The following FTCD variants were observed in gnomAD, a reference collection of about 807,000 sequenced individuals.
FTCD encodes formimidoyltransferase-cyclodeaminase.
FTCD carries 76 observed loss-of-function variants against 62.9 expected under a neutral mutation model. The observed-to-expected ratio is 1.21, with a 90% CI of 1.00 to 1.46. The LOEUF (loss-of-function observed/expected upper bound fraction) is 1.46. Among genes scored for constraint, FTCD ranks in the 40% most tolerant of loss-of-function variants. FTCD has a pLI of 0.00. For missense variants in FTCD, 845 were observed against 751.3 expected, an observed-to-expected ratio of 1.12 and a Z score of -1.46; for synonymous variants, 397 against 336.9, an observed-to-expected ratio of 1.18 and a Z score of -1.95.
At chr21:46,148,182 A>G (rs1439601126) in intron 7 of FTCD, among the ~76,000 whole-genome samples, 1 of 152,202 alleles carries the variant, frequency 6.6e-6, no homozygotes, top group Admixed American at 6.5e-5. Flanking sequence ...TGCAAAAGGA[A>G]AAATAGTAAC....
chr21:46,138,796 G>T, intron 11 of FTCD, 84 bp downstream of exon 11: 1 of 1,438,472 alleles, frequency 7.0e-7, no homozygotes, highest in Non-Finnish European at 9.8e-7. Context: ...ACCACGCCCC[G>T]TCACAGCACC....
chr21:46,144,998 G>C (rs9978174), intron 10 of FTCD, among the ~76,000 whole-genome samples: 67,051 of 151,608 alleles, frequency 0.44, 17,856 homozygotes, highest in African/African-American at 0.75. Flanking sequence ...GAAACGGGTC[G>C]TCTCTGGCCT....
At chr21:46,149,610 G>T (rs2079219968) in intron 7 of FTCD, among the ~76,000 whole-genome samples, 1 of 152,252 alleles carries the variant, frequency 6.6e-6, no homozygotes, top group African/African-American at 2.4e-5. Flanking sequence ...AAGGCGGACA[G>T]CGGCTCTGCA....
Position 46,145,920 on chromosome 21 carries a change from C to A in FTCD, c.996G>T (p.Glu332Asp). The change falls in exon 9 of 14, where the codon GAG (glutamate) becomes GAT (aspartate). Residue 332 changes from glutamate to aspartate, a missense_variant. Glu to Asp is a conservative substitution (Grantham distance 45, BLOSUM62 2). Transcript: ENST00000397746. Reference sequence around the variant, plus strand: ...GCAGGGACTTGCTGCCCAGGCCTCGCTCAGGCCCGCGCTCAGGGACCAGGT... The same window carrying A: ...GCAGGGACTTGCTGCCCAGGCCTCGATCAGGCCCGCGCTCAGGGACCAGGT... ...IEYLVPERGP[E>D]RGLGSKSLRA... 1 of 1,504,112 alleles carries A rather than the reference C, an allele frequency of 6.6e-7. No individual in the cohort carries two copies. The highest frequency in any genetic ancestry group is 1.2e-5 in the South Asian group (1 of 80,948). 93.2% of individuals were successfully genotyped at this position (1,504,112 alleles called of 1,614,324 possible).
At chr21:46,153,690 C>T (rs1184989219) in intron 2 of FTCD, among the ~76,000 whole-genome samples, 3 of 152,258 alleles carry the variant, frequency 2.0e-5, no homozygotes, top group African/African-American at 4.8e-5. Flanking sequence ...GGCCCACAGC[C>T]CAGCCCCTGG....
chr21:46,136,305 A>C (rs2078865952), downstream of FTCD: 2 of 723,566 alleles, frequency 2.8e-6, no homozygotes, highest in Middle Eastern at 4.9e-4. Context: ...CTCTGGAGAC[A>C]GGAGGCTGGC....
intron 1 of FTCD, among the ~76,000 whole-genome samples, chr21:46,155,188 A>G (rs1225993798): frequency 6.6e-6 from 1 of 152,126 alleles, no homozygotes; most frequent in Non-Finnish European, 1.5e-5. Flanking sequence ...TTTGAGGCCC[A>G]GAGATCTGCC....
At chr21:46,141,305 T>C (rs2079000469) in intron 10 of FTCD, among the ~76,000 whole-genome samples, 1 of 91,524 alleles carries the variant, frequency 1.1e-5, no homozygotes, top group African/African-American at 5.7e-5. Flanking sequence ...CTGGCTTTAT[T>C]TTTTTTTTTT....
At chr21:46,145,655 G>C (rs1192646340) in intron 9 of FTCD, 77 bp from the exon 10 acceptor site, 3 of 1,107,320 alleles carry the variant, frequency 2.7e-6, no homozygotes, top group South Asian at 1.7e-5. Flanking sequence ...CCAGGGGCCC[G>C]GGTGATCCCT....
At chr21:46,143,038 C>T (rs1295769619) in intron 10 of FTCD, among the ~76,000 whole-genome samples, 9 of 152,190 alleles carry the variant, frequency 5.9e-5, no homozygotes, top group Non-Finnish European at 1.3e-4. Flanking sequence ...CAGCCAGCTT[C>T]ACCTCTCCAC....
chr21:46,146,453 G>C (rs1003087755), intron 7 of FTCD, 126 bp from the exon 8 acceptor site: 1 of 728,310 alleles, frequency 1.4e-6, no homozygotes, highest in African/African-American at 1.7e-5. Context: ...GCTTTTGCGG[G>C]GAGCAGGGCA....
In FTCD at chr21:46,146,396, C is replaced by T. The variant is rs948667768; in HGVS notation, c.907-69G>A. ...ACCACCAGGAAAGCCTCGGAACCCG[C>T]GGGTCCCACCCTTGCGGCAGCCGCC... is the stretch of plus-strand genomic sequence containing the variant. On this transcript the variant is annotated intron_variant, in intron 7 of 13. Transcript: ENST00000397746. 7 of 1,083,758 alleles carry T rather than the reference C, an allele frequency of 6.5e-6. No homozygotes were observed. The African/African-American group carries it at 1.1e-4, about 17-fold the overall frequency. 67.1% of individuals were successfully genotyped at this position (1,083,758 alleles called of 1,614,324 possible). A position where few individuals can be genotyped will look rare whatever the true frequency, so the allele number is the denominator to read the frequency against.
At chr21:46,136,632 G>C, downstream of FTCD, 10 of 1,489,014 alleles carry the variant, frequency 6.7e-6, no homozygotes, top group Non-Finnish European at 8.9e-6. Flanking sequence ...TGGGGACCCT[G>C]GCGCTGAGGT....
rs1459584836 is a variant in FTCD, at chr21:46,146,276, G to T, written c.958C>A (p.Arg320=). The T allele has an allele frequency of 3.1e-6, 5 of 1,600,744 alleles. No individual in the cohort carries two copies. The highest frequency in any genetic ancestry group is 1.1e-5 in the South Asian group (1 of 89,412). ...AGGGCAGAGGCTCACTCGATGATCC[G>T]CTCCTTAGGGCTGAAGGGGCACAGG... is the stretch of plus-strand genomic sequence containing the variant. ...DSLCPFSPKE[R]IIEYLVPERG... Residue 320 remains arginine, a synonymous_variant, in exon 8 of 14, where the codon CGG becomes AGG. Transcript: ENST00000397746.
intron 8 of FTCD, 32 bp from the exon 9 acceptor site, chr21:46,145,979 C>T: frequency 1.5e-6 from 2 of 1,361,276 alleles, no homozygotes; most frequent in African/African-American, 1.5e-5. Context: ...GCGGGTCTGG[C>T]CGGGGTTGGT....
chr21:46,142,978 CCTT>C (rs1242004065), intron 10 of FTCD, among the ~76,000 whole-genome samples: 1 of 152,158 alleles, frequency 6.6e-6, no homozygotes, highest in Non-Finnish European at 1.5e-5. Flanking sequence ...TGTTTACAAA[CCTT>C]TAGCTAGACA....
intron 2 of FTCD, 81 bp from the exon 3 acceptor site, chr21:46,153,116 C>T: frequency 7.1e-7 from 1 of 1,415,210 alleles, no homozygotes; most frequent in Non-Finnish European, 9.5e-7. Flanking sequence ...GACCCTCTGT[C>T]CTCTCCGGCC....
At chr21:46,138,960 G>C (rs780881499) in intron 10 of FTCD, 37 bp from the exon 11 acceptor site, 2 of 1,556,510 alleles carry the variant, frequency 1.3e-6, no homozygotes, top group South Asian at 1.1e-5. Context: ...GCGAGGGACC[G>C]TAGGGGGAGC....
At chr21:46,154,004 C>G (rs2079367999) in intron 2 of FTCD, 145 bp downstream of exon 2, 1 of 830,436 alleles carries the variant, frequency 1.2e-6, no homozygotes, top group East Asian at 2.6e-5. Context: ...CTCCAGGGTC[C>G]TCCTAGGAGA....
Sources: gnomAD v4.1 joint callset for allele counts (sites outside exome capture counted in the v4.1 genomes callset) on GRCh38, gnomAD v4.1.1 for gene constraint, MANE v1.5 for transcripts, NCBI Gene and HGNC (gene_info 2026-07-23, HGNC 2026-07-21) for gene names.